RIN2: variants seen among roughly 807,000 people sequenced by gnomAD.
RIN2 encodes the protein RAB5 interacting protein 2.
In RIN2, 36 loss-of-function variants were observed where a neutral mutation model predicts 78.0. The observed-to-expected ratio is 0.46, with a 90% CI of 0.35 to 0.61. The LOEUF is 0.61. Ranked by LOEUF, RIN2 falls within the 20% of genes least tolerant of loss-of-function variation. The probability of loss-of-function intolerance (pLI) is 0.00; values close to 1 mark genes in which losing one functional copy is unlikely to be tolerated. For missense variants in RIN2, 1,087 were observed against 1,159.7 expected (o/e 0.94, Z 0.91); for synonymous variants, 466 against 466.8 (o/e 1.00, Z 0.02).
In RIN2 at chr20:19,788,261, C is replaced by A. The variant is rs534435106; in HGVS notation, c.-162-11361C>A. Among the ~76,000 whole-genome samples, 44 of 152,046 alleles carry A rather than the reference C, an allele frequency of 2.9e-4. 2 individuals are homozygous for A. The South Asian group carries it at 8.7e-3, about 30-fold the overall frequency. ...CAATATACTGGTAGTCTTACCAGGA[C>A]ACTAAGGCAAGAAAAAGAAAGAAAT... On this transcript the variant is annotated intron_variant, in intron 1 of 12. Transcript: ENST00000255006.
At chr20:19,807,049 G>A (rs1478379386) in intron 2 of RIN2, among the ~76,000 whole-genome samples, 1 of 152,202 alleles carries the variant, frequency 6.6e-6, no homozygotes, top group African/African-American at 2.4e-5. Context: ...GCAACACTTA[G>A]CACACGCTAA....
At chr20:19,993,992 T>G (rs2042878976) in intron 11 of RIN2, among the ~76,000 whole-genome samples, 1 of 152,228 alleles carries the variant, frequency 6.6e-6, no homozygotes, top group South Asian at 2.1e-4. Context: ...GCTTGTATCT[T>G]GTGGCTCAAG....
chr20:19,881,112 C>G (rs2123437707), intron 2 of RIN2, among the ~76,000 whole-genome samples: 1 of 152,286 alleles, frequency 6.6e-6, no homozygotes, highest in South Asian at 2.1e-4. Flanking sequence ...TAAAAGCCAC[C>G]TCTTCAGAGA....
intron 3 of RIN2, among the ~76,000 whole-genome samples, chr20:19,902,814 C>T (rs1022300217): frequency 6.6e-6 from 1 of 152,212 alleles, no homozygotes; most frequent in African/African-American, 2.4e-5. Flanking sequence ...TTAAATTTGG[C>T]CGGGCACGGT....
Position 19,973,320 on chromosome 20 carries a change from G to A in RIN2, c.629-1334G>A, listed in dbSNP as rs115739225. 3.4e-3 allele frequency among the ~76,000 whole-genome samples: 515 copies of A among 152,262 alleles called. 1 individual carries two copies. The highest frequency in any genetic ancestry group is 0.011 in the African/African-American group (451 of 41,548). ...TTTCTTGTTGGACAGTGCGGGAGTC[G>A]GGAGAGAGAAGGAGGGATACAGGAT... On this transcript the variant is annotated intron_variant, in intron 8 of 12. Transcript: ENST00000255006.
intron 1 of RIN2, among the ~76,000 whole-genome samples, chr20:19,785,194 C>T (rs1305321591): frequency 6.6e-6 from 1 of 151,976 alleles, no homozygotes. Context: ...TGGCAGACAA[C>T]GTGCAAGCAA....
Position 20,000,774 on chromosome 20 carries a change from G to A in RIN2, c.2526G>A (p.Glu842=), listed in dbSNP as rs2043119228. 1 of 1,613,888 alleles carries A rather than the reference G, an allele frequency of 6.2e-7. No homozygotes were observed. The highest frequency in any genetic ancestry group is 1.3e-5 in the African/African-American group (1 of 74,896). The part of the protein sequence containing the change: ...EEYSLFLFVD[E]TWQQLAEDTY... ...ACAGCCTCTTTCTCTTCGTTGACGAGACATGGCAGCAGCTGGCAGAGGACA... is the reference window on the plus strand; with the variant it reads ...ACAGCCTCTTTCTCTTCGTTGACGAAACATGGCAGCAGCTGGCAGAGGACA... Residue 842 remains glutamate (E), a synonymous_variant, in exon 13 of 13, where the codon GAG becomes GAA. Transcript: ENST00000255006.
At chr20:19,833,283 T>TTATATATATATA (rs1031106258) in intron 2 of RIN2, among the ~76,000 whole-genome samples, 2 of 151,030 alleles carry the variant, frequency 1.3e-5, no homozygotes, top group Admixed American at 6.6e-5. Context: ...TAGATATAGG[T>TTATATATATATA]TATATATATA....
At chr20:19,792,305 C>T (rs780207853) in intron 1 of RIN2, among the ~76,000 whole-genome samples, 4 of 152,094 alleles carry the variant, frequency 2.6e-5, no homozygotes, top group Non-Finnish European at 5.9e-5. Flanking sequence ...TAAAAGATGG[C>T]GAAAGGAAGA....
chr20:19,914,484 T>C (rs573767133), intron 3 of RIN2, among the ~76,000 whole-genome samples: 1 of 152,336 alleles, frequency 6.6e-6, no homozygotes, highest in African/African-American at 2.4e-5. Flanking sequence ...ATTAAACAGT[T>C]GCTGCTCTCG....
chr20:19,932,313 G>A (rs188866058), intron 3 of RIN2, among the ~76,000 whole-genome samples: 4 of 152,228 alleles, frequency 2.6e-5, no homozygotes, highest in South Asian at 2.1e-4. Flanking sequence ...TCATGCTCTC[G>A]GACTTTCCAG....
intron 1 of RIN2, among the ~76,000 whole-genome samples, chr20:19,769,079 G>A (rs533854131): frequency 3.3e-5 from 5 of 152,050 alleles, no homozygotes; most frequent in African/African-American, 7.2e-5. Context: ...CCACCGCCAC[G>A]CCCAGCTAAT....
intron 7 of RIN2, among the ~76,000 whole-genome samples, chr20:19,966,964 G>A (rs940219887): frequency 6.6e-6 from 1 of 152,016 alleles, no homozygotes; most frequent in African/African-American, 2.4e-5. Context: ...ACCACACCTG[G>A]TATGGCCTAA....
At chr20:19,823,765 A>T in intron 2 of RIN2, 2 of 1,595,856 alleles carry the variant, frequency 1.3e-6, no homozygotes, top group South Asian at 1.1e-5. Flanking sequence ...GGTTAGTTTC[A>T]CTGTAATCCT....
intron 2 of RIN2, among the ~76,000 whole-genome samples, chr20:19,880,250 TAAAA>T (rs10551811): frequency 2.2e-5 from 3 of 135,914 alleles, no homozygotes; most frequent in African/African-American, 2.7e-5. Context: ...GACTCTGTCT[TAAAA>T]AAAAAAAAAA....
intron 2 of RIN2, among the ~76,000 whole-genome samples, chr20:19,815,906 T>C (rs757509131): frequency 5.3e-5 from 8 of 152,232 alleles, no homozygotes; most frequent in African/African-American, 9.6e-5. Flanking sequence ...GGGGTTCATA[T>C]AGTTTGTAGC....
chr20:19,963,765 G>A (rs1389367338), intron 6 of RIN2, among the ~76,000 whole-genome samples: 1 of 151,954 alleles, frequency 6.6e-6, no homozygotes, highest in African/African-American at 2.4e-5. Flanking sequence ...AGGGCTGGCT[G>A]GCAAATTCAT....
At chr20:19,969,557 G>T (rs1460094642) in intron 7 of RIN2, among the ~76,000 whole-genome samples, 1 of 152,106 alleles carries the variant, frequency 6.6e-6, no homozygotes, top group East Asian at 1.9e-4. Flanking sequence ...TCCATGTCAT[G>T]GATCTCCTTC....
intron 1 of RIN2, among the ~76,000 whole-genome samples, chr20:19,773,170 C>T (rs1429442577): frequency 6.6e-6 from 1 of 152,206 alleles, no homozygotes; most frequent in South Asian, 2.1e-4. Context: ...TCCATGCTCA[C>T]ACATTCTCCC....
Sources: gnomAD v4.1 joint callset for allele counts (sites outside exome capture counted in the v4.1 genomes callset) on GRCh38, gnomAD v4.1.1 for gene constraint, MANE v1.5 for transcripts, NCBI Gene and HGNC (gene_info 2026-07-23, HGNC 2026-07-21) for gene names.